The following SEMA3A variants were observed in gnomAD, a reference collection of about 807,000 sequenced individuals.
The protein encoded by SEMA3A is semaphorin-3A.
In SEMA3A, 29 loss-of-function variants were observed where a neutral mutation model predicts 97.9. The observed-to-expected ratio is 0.30, with a 90% CI of 0.22 to 0.40. The LOEUF is 0.40. Ranked by LOEUF, SEMA3A falls within the 10% of genes least tolerant of loss-of-function variation. The probability of loss-of-function intolerance (pLI) is 1.00; values close to 1 mark genes in which losing one functional copy is unlikely to be tolerated. For missense variants in SEMA3A, 763 were observed against 951.3 expected, an observed-to-expected ratio of 0.80 and a Z score of 2.60; for synonymous variants, 321 against 323.7, an observed-to-expected ratio of 0.99 and a Z score of 0.09.
intron 1 of SEMA3A, among the ~76,000 whole-genome samples, chr7:84,455,093 T>C (rs1309626649): frequency 6.6e-6 from 1 of 152,098 alleles, no homozygotes; most frequent in Non-Finnish European, 1.5e-5. Context: ...TATTGTAATA[T>C]ATTAATTCTT....
chr7:84,474,394 G>A lies in SEMA3A; in HGVS notation c.-246+18066C>T, dbSNP rs73386987. Among the ~76,000 whole-genome samples, 1,403 of 152,252 alleles carry A rather than the reference G, an allele frequency of 9.2e-3. 25 individuals are homozygous for A. Among genetic ancestry groups the A allele is most frequent in the African/African-American group, 0.032 (1,326 of 41,538 alleles). Reference sequence around the variant, plus strand: ...TGTATGAGAAATTCTGCTCCCCTACGCAGATTGTGTAGTTCCCTCCTTTGA... The same window carrying A: ...TGTATGAGAAATTCTGCTCCCCTACACAGATTGTGTAGTTCCCTCCTTTGA... On this transcript the variant is annotated intron_variant, in intron 1 of 3. Coordinates refer to the SEMA3A transcript ENST00000424555.
intron 4 of SEMA3A, among the ~76,000 whole-genome samples, chr7:84,069,574 T>G (rs1793665243): frequency 6.6e-6 from 1 of 152,072 alleles, no homozygotes. Context: ...AAATTCTTTC[T>G]TATAGGTAGA....
chr7:84,234,269 A>G (rs989843445), intron 3 of SEMA3A, among the ~76,000 whole-genome samples: 6 of 152,028 alleles, frequency 3.9e-5, no homozygotes, highest in Non-Finnish European at 5.9e-5. Context: ...CCACTTTCTC[A>G]CCTGAACCAA....
At chr7:84,478,167 G>C (rs923005866) in intron 1 of SEMA3A, among the ~76,000 whole-genome samples, 1 of 152,094 alleles carries the variant, frequency 6.6e-6, no homozygotes, top group African/African-American at 2.4e-5. Context: ...AGTTCCCTGC[G>C]GGACTTGGAG....
chr7:84,485,735 A>G (rs2116443132), intron 1 of SEMA3A, among the ~76,000 whole-genome samples: 1 of 152,266 alleles, frequency 6.6e-6, no homozygotes, highest in African/African-American at 2.4e-5. Context: ...CCATGCTTCA[A>G]ACCAATATTA....
intron 3 of SEMA3A, among the ~76,000 whole-genome samples, chr7:84,251,317 C>T (rs1799602968): frequency 6.6e-6 from 1 of 152,136 alleles, no homozygotes; most frequent in South Asian, 2.1e-4. Flanking sequence ...AGCAGCTGGG[C>T]TGGAATTTCC....
intron 3 of SEMA3A, among the ~76,000 whole-genome samples, chr7:84,117,402 C>T (rs1298493827): frequency 2.6e-5 from 4 of 152,116 alleles, no homozygotes; most frequent in Admixed American, 6.5e-5. Flanking sequence ...GGGGTAGTTA[C>T]TTGTATCTCA....
At chr7:84,456,286 T>A (rs1169387218) in intron 1 of SEMA3A, among the ~76,000 whole-genome samples, 1 of 151,626 alleles carries the variant, frequency 6.6e-6, no homozygotes, top group East Asian at 1.9e-4. Context: ...ATTTGGGGAG[T>A]AGGTGGTGGA....
At chr7:84,072,521 A>T (rs1262503058) in intron 4 of SEMA3A, among the ~76,000 whole-genome samples, 5 of 152,132 alleles carry the variant, frequency 3.3e-5, no homozygotes, top group Admixed American at 3.3e-4. Context: ...GTTTACAGAA[A>T]TATATAATTT....
chr7:84,066,621 T>C (rs78901586), intron 4 of SEMA3A, among the ~76,000 whole-genome samples: 53,633 of 141,948 alleles, frequency 0.38, 12,041 homozygotes, highest in African/African-American at 0.61. Context: ...TTCTTATACA[T>C]CATCAACAGA....
intron 5 of SEMA3A, among the ~76,000 whole-genome samples, chr7:84,056,414 A>C (rs1164841258): frequency 1.3e-5 from 2 of 152,176 alleles, no homozygotes; most frequent in Admixed American, 1.3e-4. Context: ...AGAAGGTGGA[A>C]ACAAAACCAC....
chr7:84,058,791 T>C (rs1231022750), intron 5 of SEMA3A, among the ~76,000 whole-genome samples: 3 of 152,194 alleles, frequency 2.0e-5, no homozygotes, highest in Non-Finnish European at 2.9e-5. Context: ...CCTGACTCAC[T>C]GAACTTTGCT....
At chr7:84,369,437 C>T (rs1228862) in intron 2 of SEMA3A, among the ~76,000 whole-genome samples, 74,174 of 150,678 alleles carry the variant, frequency 0.49, 20,257 homozygotes, top group East Asian at 0.91. Context: ...TGTTTATCAC[C>T]ATTTCATAAA....
chr7:84,195,024 A>AGAGAGAGAGAGAAAGAGAGAGAGAGAGAG (rs1798179833), upstream of SEMA3A: 5 of 140,564 alleles, frequency 3.6e-5, no homozygotes, highest in African/African-American at 2.7e-5. Context: ...GAGAGAGAGA[A>AGAGAGAGAGAGAAAGAGAGAGAGAGAGAG]AGAGAGAGAG....
intron 1 of SEMA3A, among the ~76,000 whole-genome samples, chr7:84,401,183 A>C (rs1210615922): frequency 1.3e-5 from 2 of 152,320 alleles, no homozygotes; most frequent in Admixed American, 6.5e-5. Flanking sequence ...TTACAAAATC[A>C]AAATACAAAA....
At chr7:84,143,613 T>C (rs1387421081) in intron 1 of SEMA3A, among the ~76,000 whole-genome samples, 1 of 143,230 alleles carries the variant, frequency 7.0e-6, no homozygotes, top group South Asian at 2.3e-4. Context: ...CCCAGCACTT[T>C]TGGAGGCCAA....
intron 15 of SEMA3A, among the ~76,000 whole-genome samples, chr7:83,972,382 C>G (rs182067812): frequency 6.6e-6 from 1 of 151,842 alleles, no homozygotes; most frequent in Non-Finnish European, 1.5e-5. Context: ...ATGAAGATAT[C>G]TACTGTAATA....
At chr7:84,143,096 C>G (rs899006707) in intron 1 of SEMA3A, among the ~76,000 whole-genome samples, 20 of 152,226 alleles carry the variant, frequency 1.3e-4, no homozygotes, top group African/African-American at 4.8e-4. Context: ...CCCATAATGT[C>G]TTTCCTGGAT....
chr7:84,201,975 G>A (rs528662643), intron 3 of SEMA3A, among the ~76,000 whole-genome samples: 9 of 152,240 alleles, frequency 5.9e-5, no homozygotes, highest in African/African-American at 1.9e-4. Context: ...TTCTCCCAAT[G>A]CAATTGTGTT....
Sources: allele counts gnomAD v4.1 joint callset (sites outside exome capture counted in the v4.1 genomes callset), GRCh38; gene constraint gnomAD v4.1.1; transcripts MANE v1.5; gene names NCBI Gene and HGNC (gene_info 2026-07-23, HGNC 2026-07-21).